The following FBN2 variants were observed in gnomAD, a reference collection of about 807,000 sequenced individuals.
FBN2 encodes the protein fibrillin 2.
In FBN2, 105 loss-of-function variants were observed where a neutral mutation model predicts 355.6. That is an observed-to-expected ratio of 0.30 (90% CI 0.25 to 0.35). The LOEUF is 0.35. FBN2 is among the 10% of genes least tolerant of loss of function. The pLI is 1.00. For missense variants in FBN2, 3,280 were observed against 3,758.7 expected, an observed-to-expected ratio of 0.87 and a Z score of 3.33; for synonymous variants, 1,350 against 1,301.2, an observed-to-expected ratio of 1.04 and a Z score of -0.81.
At chr5:128,297,372 G>T (rs1377458581) in intron 48 of FBN2, among the ~76,000 whole-genome samples, 1 of 152,196 alleles carries the variant, frequency 6.6e-6, no homozygotes, top group Non-Finnish European at 1.5e-5. Flanking sequence ...GCAGAGCTGA[G>T]TTCAATTCCT....
intron 7 of FBN2, among the ~76,000 whole-genome samples, chr5:128,411,049 G>A (rs1460799983): frequency 1.3e-5 from 2 of 152,018 alleles, no homozygotes; most frequent in Non-Finnish European, 2.9e-5. Flanking sequence ...GAGTTCCCTC[G>A]AGCCCCTCAC....
intron 6 of FBN2, among the ~76,000 whole-genome samples, chr5:128,460,131 G>A (rs10040416): frequency 0.11 from 16,084 of 152,032 alleles, 1,015 homozygotes; most frequent in African/African-American, 0.17. Context: ...ATACAAAATC[G>A]GTGTGCAAAA....
Position 128,534,785 on chromosome 5 carries a change from C to T in FBN2, c.337+1617G>A, listed in dbSNP as rs1402747648. ...TGCTCTCTGGAATTCCCATTCCACA[C>T]TGATCCAATAAAATCTGACTTTACA... On this transcript the variant is annotated intron_variant, in intron 2 of 64. Transcript: ENST00000262464. Among the ~76,000 whole-genome samples, 5 of 152,348 alleles carry T rather than the reference C, an allele frequency of 3.3e-5. No homozygotes were observed. The South Asian group carries it at 1.0e-3, about 32-fold the overall frequency.
At chr5:128,413,199 CAAGTAT>C (rs1171680786) in intron 7 of FBN2, among the ~76,000 whole-genome samples, 1 of 152,034 alleles carries the variant, frequency 6.6e-6, no homozygotes, top group Non-Finnish European at 1.5e-5. Flanking sequence ...GGTTTATCAC[CAAGTAT>C]AAGGATTGCC....
intron 62 of FBN2, among the ~76,000 whole-genome samples, chr5:128,269,922 T>C (rs887925008): frequency 6.6e-6 from 1 of 152,202 alleles, no homozygotes; most frequent in African/African-American, 2.4e-5. Context: ...GCTGGAGGCC[T>C]CATGCTACCT....
chr5:128,345,436 C>T lies in FBN2; in HGVS notation c.3138G>A (p.Lys1046=). ...ECEECPKPGT[K]EYETLCPRGA... is the part of the protein sequence containing the mutation. ...CGCGGGGGCACAGCGTCTCGTATTC[C>T]TTGGTGCCAGGTTTGGGGCACTCCT... is the stretch of plus-strand genomic sequence containing the variant. Residue 1046 remains lysine, a synonymous_variant, in exon 24 of 65, where the codon AAG becomes AAA. Transcript: ENST00000262464. 6.2e-7 allele frequency: 1 copy of T among 1,614,152 alleles called. No homozygotes were observed. The highest frequency in any genetic ancestry group is 8.5e-7 in the Non-Finnish European group (1 of 1,180,024).
intron 25 of FBN2, among the ~76,000 whole-genome samples, chr5:128,342,831 C>G (rs750051907): frequency 1.3e-5 from 2 of 151,748 alleles, no homozygotes; most frequent in African/African-American, 2.4e-5. Context: ...TGGGTTTAAG[C>G]GATCCTCCTG....
intron 2 of FBN2, among the ~76,000 whole-genome samples, chr5:128,531,389 A>G (rs1276208457): frequency 2.6e-5 from 4 of 152,038 alleles, no homozygotes; most frequent in Non-Finnish European, 4.4e-5. Context: ...GAATGATATA[A>G]TGGACTTTGG....
At position 128,261,790 on chromosome 5, in the gene FBN2, A is replaced by G. The variant is rs761386167; in HGVS notation, c.8310T>C (p.Tyr2770=). 12 of 1,614,212 alleles carry G rather than the reference A, an allele frequency of 7.4e-6. No homozygotes were observed. The highest frequency in any genetic ancestry group is 1.6e-4 in the Middle Eastern group (1 of 6,062). The change falls in exon 64 of 65, where the codon TAT becomes TAC. Residue 2770 remains tyrosine (Y), a synonymous_variant. Coordinates refer to ENST00000262464, the MANE Select transcript of FBN2 (RefSeq NM_001999.4). ...TCTTCTGCCTGCTGTCTTTCTTAGA[A>G]TAGCCGTTGATTTTGCACTCGTAGC... The part of the protein sequence containing the change: ...EACYECKING[Y]SKKDSRQKRS...
At chr5:128,286,689 A>G (rs1749155294) in intron 55 of FBN2, 29 bp downstream of exon 55, 1 of 1,613,434 alleles carries the variant, frequency 6.2e-7, no homozygotes, top group South Asian at 1.1e-5. Context: ...GAGGCATTAC[A>G]TAAGCAGACA....
rs1751647169 is a variant in FBN2, at chr5:128,361,825, T to C, written c.2452A>G (p.Arg818Gly). 6.2e-7 allele frequency: 1 copy of C among 1,614,032 alleles called. No individual in the cohort carries two copies. Among genetic ancestry groups the C allele is most frequent in the Admixed American group, 1.7e-5 (1 of 60,006 alleles). ...CACAATCCGTTATCACAAAGCAGTC[T>C]GTTTACTAAACATTCATCAATGTCT... is the stretch of plus-strand genomic sequence containing the variant. ...CIDIDECLVNRLLCDNGLCRN... is the reference protein window; with the variant it reads ...CIDIDECLVNGLLCDNGLCRN... Residue 818 changes from arginine to glycine, a missense_variant, in exon 19 of 65, where the codon AGA becomes GGA. Around this residue, in one of 6 missense-constraint regions of FBN2, gnomAD observed 2,284 missense variants for 2,749.5 expected, o/e 0.83. Transcript: ENST00000262464.
At chr5:128,404,075 G>C (rs1175523541) in intron 8 of FBN2, among the ~76,000 whole-genome samples, 1 of 152,176 alleles carries the variant, frequency 6.6e-6, no homozygotes, top group Non-Finnish European at 1.5e-5. Context: ...ACGCAGTTTA[G>C]TATTAAAAAG....
chr5:128,448,603 C>T (rs1025026109), intron 6 of FBN2, among the ~76,000 whole-genome samples: 6 of 152,028 alleles, frequency 3.9e-5, no homozygotes, highest in East Asian at 1.9e-4. Flanking sequence ...CATGAGCCAC[C>T]GTGCCTGGCC....
intron 6 of FBN2, among the ~76,000 whole-genome samples, chr5:128,457,020 G>A (rs1754413101): frequency 6.6e-6 from 1 of 150,828 alleles, no homozygotes. Flanking sequence ...AAGGGAGCAT[G>A]TTCTAAGCCA....
intron 48 of FBN2, among the ~76,000 whole-genome samples, chr5:128,300,088 T>C (rs1749672537): frequency 6.6e-6 from 1 of 152,184 alleles, no homozygotes; most frequent in Non-Finnish European, 1.5e-5. Context: ...GACATATCTT[T>C]AGGTAGAATC....
At chr5:128,350,079 T>C in intron 21 of FBN2, 74 bp from the exon 22 acceptor site, 2 of 1,239,026 alleles carry the variant, frequency 1.6e-6, no homozygotes, top group Admixed American at 1.7e-5. Context: ...AGAAGAAGTA[T>C]AATGAAATCT....
chr5:128,377,921 T>C (rs1439318447), intron 12 of FBN2, 44 bp from the exon 13 acceptor site: 1 of 1,553,600 alleles, frequency 6.4e-7, no homozygotes. Context: ...TTTACAATAC[T>C]TATAGATAAA....
chr5:128,419,256 A>G (rs1416442327), intron 7 of FBN2, among the ~76,000 whole-genome samples: 5 of 152,202 alleles, frequency 3.3e-5, no homozygotes, highest in African/African-American at 1.2e-4. Context: ...GTCATCTACA[A>G]ATAGAGATAG....
intron 7 of FBN2, among the ~76,000 whole-genome samples, chr5:128,432,497 C>T (rs1487989932): frequency 6.6e-6 from 1 of 152,094 alleles, no homozygotes; most frequent in Non-Finnish European, 1.5e-5. Context: ...GCGGATTTTG[C>T]ACTACACTGG....
Sources: allele counts gnomAD v4.1 joint callset (sites outside exome capture counted in the v4.1 genomes callset), GRCh38; gene constraint gnomAD v4.1.1; regional missense constraint gnomAD v4.1.1; transcripts MANE v1.5; gene names NCBI Gene and HGNC (gene_info 2026-07-23, HGNC 2026-07-21).